DISC1: variants seen among roughly 807,000 people sequenced by gnomAD.
DISC1 encodes the protein disrupted in schizophrenia 1 protein.
In DISC1, 57 loss-of-function variants were observed where a neutral mutation model predicts 84.5. The observed-to-expected ratio is 0.67, with a 90% CI of 0.55 to 0.84. DISC1 has a LOEUF of 0.84. DISC1 is among the 40% of genes least tolerant of loss of function. The pLI, the probability that DISC1 is intolerant of heterozygous loss-of-function variation, is 0.00. For synonymous variants in DISC1, 411 were observed against 415.2 expected, an observed-to-expected ratio of 0.99 and a Z score of 0.12; for missense variants, 1,000 against 1,057.8, an observed-to-expected ratio of 0.95 and a Z score of 0.76.
intron 5 of DISC1, among the ~76,000 whole-genome samples, chr1:231,768,417 T>G (rs1443281044): frequency 6.6e-6 from 1 of 152,174 alleles, no homozygotes; most frequent in East Asian, 1.9e-4. Flanking sequence ...TATTTGAAAT[T>G]ATTTCCCCCA....
intron 9 of DISC1, among the ~76,000 whole-genome samples, chr1:231,940,450 A>G (rs2091254747): frequency 6.6e-6 from 1 of 151,934 alleles, no homozygotes. Context: ...ATGCATTTTC[A>G]CTGTTCTGCC....
Position 231,675,243 on chromosome 1 carries a change from G to C in DISC1, c.68-18583G>C, listed in dbSNP as rs924416121. The stretch of plus-strand genomic sequence containing the variant: ...GCTACTCCCGCCCGCAAAGTGTAGC[G>C]CTGTCTTGGTGGATCCTGCCGGAAT... On this transcript the variant is annotated intron_variant, in intron 1 of 12. Transcript: ENST00000439617. The surrounding 1 kb of genome is among the most constrained non-coding windows in gnomAD (Gnocchi z 4.1). 4.6e-5 allele frequency among the ~76,000 whole-genome samples: 7 copies of C among 151,954 alleles called. No individual in the cohort carries two copies. Among genetic ancestry groups the C allele is most frequent in the African/African-American group, 1.7e-4 (7 of 41,378 alleles).
At chr1:231,968,805 A>G (rs1337251387) in intron 10 of DISC1, among the ~76,000 whole-genome samples, 1 of 152,042 alleles carries the variant, frequency 6.6e-6, no homozygotes, top group African/African-American at 2.4e-5. Context: ...TGTTATTTTC[A>G]AGTACCAGCT....
In DISC1 at chr1:231,694,352, C is replaced by A. The variant is rs201901960; in HGVS notation, c.594C>A (p.Thr198=). ...GCTGTGGCCCTGAGGTCCCCCCAACCCCTCCTGGCTCTCACAGTGCCTTTA... is the reference window on the plus strand; with the variant it reads ...GCTGTGGCCCTGAGGTCCCCCCAACACCTCCTGGCTCTCACAGTGCCTTTA... ...SPGCGPEVPP[T]PPGSHSAFTS... Residue 198 remains threonine (T), a synonymous_variant, in exon 2 of 13, where the codon ACC becomes ACA. Coordinates refer to ENST00000439617, the MANE Select transcript of DISC1 (RefSeq NM_018662.3). 3.2e-5 allele frequency: 52 copies of A among 1,614,134 alleles called. No homozygotes were observed. The highest frequency in any genetic ancestry group is 4.2e-5 in the Non-Finnish European group (50 of 1,180,050).
intron 8 of DISC1, among the ~76,000 whole-genome samples, chr1:231,802,455 T>C (rs2738866): frequency 0.86 from 131,049 of 151,774 alleles, 56,626 homozygotes; most frequent in South Asian, 0.92. Flanking sequence ...TGTGAGTCAA[T>C]TAAATCTATT....
intron 6 of DISC1, among the ~76,000 whole-genome samples, chr1:231,783,323 A>C (rs898801254): frequency 2.0e-5 from 3 of 152,138 alleles, no homozygotes; most frequent in Non-Finnish European, 2.9e-5. Flanking sequence ...TTATTTCCTT[A>C]TTATTGTAAA....
Position 232,002,349 on chromosome 1 carries a change from A to G in DISC1, c.2043-6436A>G, listed in dbSNP as rs115736210. Among the ~76,000 whole-genome samples, 515 of 152,340 alleles carry G rather than the reference A, an allele frequency of 3.4e-3. 3 individuals carry two copies. The highest frequency in any genetic ancestry group is 0.011 in the African/African-American group (452 of 41,570). On this transcript the variant is annotated intron_variant, in intron 10 of 12. Transcript: ENST00000439617. The stretch of plus-strand genomic sequence containing the variant: ...ATAAAACTAAACATGTAACTATGAT[A>G]CAACCCAGCAATTGTGCTGTTGGAC...
chr1:232,004,934 ATCCTTCTTCCTTTCCTTCCTTCCTTCCT>A (rs1667185454), intron 10 of DISC1, among the ~76,000 whole-genome samples: 2 of 93,040 alleles, frequency 2.1e-5, no homozygotes, highest in Non-Finnish European at 4.1e-5. Flanking sequence ...CCTTCCTTCC[ATCCTTCTTCCTTTCCTTCCTTCCTTCCT>A]TCCTTCTTCC....
At chr1:231,843,112 G>A (rs1558640043) in intron 9 of DISC1, among the ~76,000 whole-genome samples, 1 of 152,126 alleles carries the variant, frequency 6.6e-6, no homozygotes, top group Non-Finnish European at 1.5e-5. Context: ...TATGATGGGG[G>A]GGTATGAAAA....
intron 1 of DISC1, among the ~76,000 whole-genome samples, chr1:231,669,290 A>G (rs1316406210): frequency 6.6e-6 from 1 of 152,248 alleles, no homozygotes. Context: ...TAACTGAGGC[A>G]ATACCATTCA....
chr1:231,721,756 T>C (rs762352782), intron 3 of DISC1, among the ~76,000 whole-genome samples: 1 of 152,126 alleles, frequency 6.6e-6, no homozygotes. Context: ...CCATCTGTTA[T>C]TAGTCCAGTA....
chr1:231,650,787 C>G lies in DISC1; in HGVS notation c.67+23853C>G, dbSNP rs997602492. Among the ~76,000 whole-genome samples, 20 of 152,124 alleles carry G rather than the reference C, an allele frequency of 1.3e-4. 1 individual carries two copies. ...TTTTTACTCTTTTTTCTCTAAACTT[C>G]TCTTCTCGCCTTATTTCATTAATTT... On this transcript the variant is annotated intron_variant, in intron 1 of 12. Transcript: ENST00000439617.
rs559928425 is a variant in DISC1, at chr1:231,888,515, G to C, written c.1981+69998G>C. Among the ~76,000 whole-genome samples, 27 of 151,324 alleles carry C rather than the reference G, an allele frequency of 1.8e-4. No homozygotes were observed. In the South Asian group the frequency reaches 5.2e-3, roughly 29 times the overall value. ...ATCCCAGCACTTTGGGAGGCCGAGG[G>C]GGGTGGATCATGAGGTCAGGAGCTC... On this transcript the variant is annotated intron_variant, in intron 9 of 12. Coordinates refer to ENST00000439617, the MANE Select transcript of DISC1 (RefSeq NM_018662.3).
intron 11 of DISC1, among the ~76,000 whole-genome samples, chr1:232,016,903 CG>C (rs1668536464): frequency 6.6e-6 from 1 of 152,116 alleles, no homozygotes. Context: ...GATGAATACT[CG>C]TATCAGATAG....
At chr1:231,766,840 C>T (rs762912956) in intron 4 of DISC1, among the ~76,000 whole-genome samples, 6 of 152,074 alleles carry the variant, frequency 3.9e-5, no homozygotes, top group African/African-American at 4.8e-5. Flanking sequence ...GTGTGTTTTA[C>T]ACTTTTAGCA....
chr1:231,777,097 A>G (rs1469198774), intron 6 of DISC1, among the ~76,000 whole-genome samples: 1 of 152,058 alleles, frequency 6.6e-6, no homozygotes, highest in Non-Finnish European at 1.5e-5. Flanking sequence ...TTTGCCTTCT[A>G]CCTGACTGGT....
chr1:231,801,330 CT>C (rs1449997491), intron 8 of DISC1, among the ~76,000 whole-genome samples: 2 of 152,076 alleles, frequency 1.3e-5, no homozygotes, highest in African/African-American at 4.8e-5. Context: ...GGGTTTTTGC[CT>C]TTCTTAATCA....
chr1:231,776,423 C>A (rs202154670), intron 6 of DISC1, among the ~76,000 whole-genome samples: 5 of 152,306 alleles, frequency 3.3e-5, no homozygotes, highest in East Asian at 1.9e-4. Flanking sequence ...CTTTTGCAAA[C>A]CATTGGCACA....
At chr1:231,894,898 C>G (rs935451100) in intron 9 of DISC1, among the ~76,000 whole-genome samples, 18 of 151,290 alleles carry the variant, frequency 1.2e-4, no homozygotes, top group African/African-American at 4.1e-4. Flanking sequence ...GACAGCTCTC[C>G]CTCTCCCCAT....
Sources: allele counts gnomAD v4.1 joint callset (sites outside exome capture counted in the v4.1 genomes callset), GRCh38; gene constraint gnomAD v4.1.1; non-coding constraint Gnocchi (gnomAD v3.1); transcripts MANE v1.5; gene names NCBI Gene and HGNC (gene_info 2026-07-23, HGNC 2026-07-21).